MSRA: variants seen among roughly 807,000 people sequenced by gnomAD.
MSRA encodes methionine sulfoxide reductase A.
In MSRA, 54 loss-of-function variants were observed where a neutral mutation model predicts 31.3. The ratio of observed to expected loss-of-function variants is 1.73; its 90% CI spans 1.39 to 2.17. MSRA has a LOEUF of 2.17. Among genes scored for constraint, MSRA ranks in the 30% most tolerant of loss-of-function variants. The pLI is 0.00. For synonymous variants in MSRA, 169 were observed against 116.5 expected (o/e 1.45, Z -2.90); for missense variants, 507 against 300.9 (o/e 1.69, Z -5.07).
chr8:10,372,212 A>T (rs1245109681), intron 5 of MSRA, among the ~76,000 whole-genome samples: 1 of 152,142 alleles, frequency 6.6e-6, no homozygotes, highest in Non-Finnish European at 1.5e-5. Flanking sequence ...GCTGGGTGTC[A>T]TTGGCCCTGC....
At chr8:10,101,709 G>A (rs1403918152) in intron 1 of MSRA, among the ~76,000 whole-genome samples, 1 of 152,156 alleles carries the variant, frequency 6.6e-6, no homozygotes, top group Non-Finnish European at 1.5e-5. Context: ...TTTAGCATGT[G>A]TCAGAATTTC....
intron 1 of MSRA, among the ~76,000 whole-genome samples, chr8:10,182,409 C>A (rs1806625119): frequency 6.6e-6 from 1 of 152,156 alleles, no homozygotes; most frequent in Non-Finnish European, 1.5e-5. Flanking sequence ...GGAATCCGGA[C>A]ACAGCTCAGC....
At chr8:10,133,340 C>T (rs1048841562) in intron 1 of MSRA, among the ~76,000 whole-genome samples, 3 of 152,084 alleles carry the variant, frequency 2.0e-5, no homozygotes, top group South Asian at 2.1e-4. Context: ...GAGGACAGTC[C>T]GTGGGGTGCT....
intron 1 of MSRA, among the ~76,000 whole-genome samples, chr8:10,135,374 A>G (rs1802199873): frequency 6.6e-6 from 1 of 152,228 alleles, no homozygotes; most frequent in South Asian, 2.1e-4. Context: ...GAGTTTTGCC[A>G]GTTCCATTCT....
At chr8:10,069,717 A>C (rs1323125556) in intron 1 of MSRA, among the ~76,000 whole-genome samples, 1 of 152,130 alleles carries the variant, frequency 6.6e-6, no homozygotes, top group African/African-American at 2.4e-5. Flanking sequence ...ATCACCTCTT[A>C]AGGGTACCTC....
In MSRA at chr8:10,259,602, A is replaced by G. The variant is rs141351676; in HGVS notation, c.331+14379A>G. On this transcript the variant is annotated intron_variant, in intron 3 of 5. Coordinates refer to ENST00000317173, the MANE Select transcript of MSRA (RefSeq NM_012331.5). ...TTTCTTCTGAGTACTTACTAGGTGC[A>G]AAACATTTTTCTGGACATTTGGGAA... Among the ~76,000 whole-genome samples the G allele has an allele frequency of 2.8e-3, 420 of 152,250 alleles. 1 individual carries two copies. The highest frequency in any genetic ancestry group is 9.6e-3 in the African/African-American group (399 of 41,538).
At chr8:10,402,428 C>T (rs1807523233) in intron 5 of MSRA, among the ~76,000 whole-genome samples, 1 of 152,206 alleles carries the variant, frequency 6.6e-6, no homozygotes, top group Admixed American at 6.5e-5. Context: ...GTCTTTCCTC[C>T]ACTTGCAGCT....
chr8:10,394,984 G>T (rs1807004944), intron 5 of MSRA, among the ~76,000 whole-genome samples: 1 of 152,192 alleles, frequency 6.6e-6, no homozygotes, highest in Non-Finnish European at 1.5e-5. Context: ...TTGGATATGT[G>T]AGCAGTGGGA....
At position 10,387,086 on chromosome 8, in the gene MSRA, T is replaced by G. The variant is rs187273435; in HGVS notation, c.544-41062T>G. 1.8e-3 allele frequency among the ~76,000 whole-genome samples: 278 copies of G among 152,258 alleles called. 4 individuals carry two copies. Among genetic ancestry groups the G allele is most frequent in the African/African-American group, 6.3e-3 (261 of 41,552 alleles). ...ATTTCTGACAAGCTCCAGAGGCAGC[T>G]GCTGCTGCTGCCTGCTGCCTGCTGC... On this transcript the variant is annotated intron_variant, in intron 5 of 5. Transcript: ENST00000317173.
intron 1 of MSRA, among the ~76,000 whole-genome samples, chr8:10,180,651 G>C (rs1288362037): frequency 6.6e-6 from 1 of 152,142 alleles, no homozygotes; most frequent in East Asian, 1.9e-4. Context: ...AGAATACCAA[G>C]GGTTTTAGGA....
At chr8:10,102,815 A>T (rs1353718812) in intron 1 of MSRA, among the ~76,000 whole-genome samples, 1 of 152,116 alleles carries the variant, frequency 6.6e-6, no homozygotes, top group Non-Finnish European at 1.5e-5. Flanking sequence ...GTACCTTATT[A>T]TTGGTAGGTG....
At chr8:10,144,589 C>T (rs576337965) in intron 1 of MSRA, among the ~76,000 whole-genome samples, 26 of 152,190 alleles carry the variant, frequency 1.7e-4, no homozygotes, top group South Asian at 1.2e-3. Context: ...TTGAAAACAG[C>T]GCTTCCCCCC....
intron 3 of MSRA, among the ~76,000 whole-genome samples, chr8:10,256,152 G>A (rs917578355): frequency 2.0e-5 from 3 of 151,834 alleles, no homozygotes; most frequent in African/African-American, 7.3e-5. Flanking sequence ...CCCAACCCCT[G>A]GCAACTGCTG....
chr8:10,088,661 G>A (rs1798692183), intron 1 of MSRA, among the ~76,000 whole-genome samples: 1 of 152,100 alleles, frequency 6.6e-6, no homozygotes, highest in South Asian at 2.1e-4. Context: ...GTTTGAACCT[G>A]GGAGGATGAG....
chr8:10,058,673 A>G (rs941138048), intron 1 of MSRA, among the ~76,000 whole-genome samples: 2 of 152,252 alleles, frequency 1.3e-5, no homozygotes, highest in African/African-American at 2.4e-5. Flanking sequence ...TTTTAGGCTT[A>G]ATGAAGAAAC....
At chr8:10,318,662 T>C (rs1300121240) in intron 4 of MSRA, among the ~76,000 whole-genome samples, 1 of 152,194 alleles carries the variant, frequency 6.6e-6, no homozygotes, top group Non-Finnish European at 1.5e-5. Context: ...ATTTCGTTTG[T>C]TTTGTGATTC....
chr8:10,070,807 A>G (rs1797695596), intron 1 of MSRA, among the ~76,000 whole-genome samples: 1 of 152,166 alleles, frequency 6.6e-6, no homozygotes, highest in Admixed American at 6.5e-5. Flanking sequence ...CCTGAGATTC[A>G]CCCCAGTTGG....
chr8:10,319,438 G>A (rs1273509859), intron 4 of MSRA, among the ~76,000 whole-genome samples: 6 of 152,114 alleles, frequency 3.9e-5, no homozygotes, highest in Non-Finnish European at 8.8e-5. Flanking sequence ...GCCAAGCACC[G>A]TGCCAGGAAT....
chr8:10,133,120 C>G (rs1423366894), intron 1 of MSRA, among the ~76,000 whole-genome samples: 1 of 152,184 alleles, frequency 6.6e-6, no homozygotes. Flanking sequence ...GGTCTGGTTC[C>G]TGGATCAATT....
Sources: allele counts gnomAD v4.1 joint callset (sites outside exome capture counted in the v4.1 genomes callset), GRCh38; gene constraint gnomAD v4.1.1; transcripts MANE v1.5; gene names NCBI Gene and HGNC (gene_info 2026-07-23, HGNC 2026-07-21).